The following PRKCB variants were observed in gnomAD, a reference collection of about 807,000 sequenced individuals.
The protein encoded by PRKCB is protein kinase C beta type.
Under a neutral mutation model 81.5 loss-of-function variants are expected in PRKCB, and 13 were observed. That is an observed-to-expected ratio of 0.16 (90% confidence interval 0.10 to 0.25). The LOEUF (loss-of-function observed/expected upper bound fraction) is 0.25, where lower values mean the gene tolerates loss of function less well. PRKCB is among the 10% of genes least tolerant of loss of function. The probability of loss-of-function intolerance (pLI) is 1.00; values close to 1 mark genes in which losing one functional copy is unlikely to be tolerated. For synonymous variants in PRKCB, 335 were observed against 321.4 expected (o/e 1.04, Z -0.45); for missense variants, 509 against 875.7 (o/e 0.58, Z 5.29).
At chr16:23,855,431 C>T (rs982567993) in intron 2 of PRKCB, among the ~76,000 whole-genome samples, 1 of 152,004 alleles carries the variant, frequency 6.6e-6, no homozygotes, top group Non-Finnish European at 1.5e-5. Flanking sequence ...AGGCAAACAA[C>T]AACAAAAACC....
chr16:24,135,422 C>T (rs1456821953), intron 9 of PRKCB, among the ~76,000 whole-genome samples: 1 of 150,042 alleles, frequency 6.7e-6, no homozygotes, highest in Non-Finnish European at 1.5e-5. Context: ...AAGCAATTCT[C>T]CTGCCTCAGC....
intron 2 of PRKCB, among the ~76,000 whole-genome samples, chr16:23,978,368 C>T (rs1435164481): frequency 6.6e-6 from 1 of 152,178 alleles, no homozygotes; most frequent in African/African-American, 2.4e-5. Context: ...TTGCGTTTGT[C>T]ACCCCTGTGT....
intron 9 of PRKCB, among the ~76,000 whole-genome samples, chr16:24,137,616 G>T (rs1169790293): frequency 6.6e-6 from 1 of 152,146 alleles, no homozygotes; most frequent in African/African-American, 2.4e-5. Flanking sequence ...ATCATTCATG[G>T]CTACTGGTCC....
chr16:23,875,982 C>T (rs947423968), intron 2 of PRKCB, among the ~76,000 whole-genome samples: 2 of 152,190 alleles, frequency 1.3e-5, no homozygotes, highest in Non-Finnish European at 2.9e-5. Context: ...TATGGGCTCC[C>T]CTAGTCATGC....
rs149377363 is a variant in PRKCB at position 23,908,733 on chromosome 16, T to C, written c.205+71327T>C. ...TTTTAGTAGAGACGGGGTTTCACCG[T>C]GATCTCGATCTCCTGACCTCATGAT... On this transcript the variant is annotated intron_variant, in intron 2 of 16. Transcript: ENST00000643927. 2.1e-3 allele frequency among the ~76,000 whole-genome samples: 322 copies of C among 152,064 alleles called. 2 individuals carry two copies. Among genetic ancestry groups the C allele is most frequent in the African/African-American group, 7.4e-3 (305 of 41,480 alleles).
At chr16:24,022,867 G>T (rs1180634790) in intron 3 of PRKCB, among the ~76,000 whole-genome samples, 4 of 152,168 alleles carry the variant, frequency 2.6e-5, no homozygotes, top group Non-Finnish European at 5.9e-5. Flanking sequence ...GAAGCACCTT[G>T]TTGGCCAACG....
chr16:23,951,877 C>T (rs895496968), intron 2 of PRKCB, among the ~76,000 whole-genome samples: 1 of 152,180 alleles, frequency 6.6e-6, no homozygotes, highest in African/African-American at 2.4e-5. Flanking sequence ...CTTCCACAGT[C>T]AAATGTGTCA....
At chr16:24,028,728 G>T (rs1048778488) in intron 3 of PRKCB, among the ~76,000 whole-genome samples, 1 of 152,126 alleles carries the variant, frequency 6.6e-6, no homozygotes, top group East Asian at 1.9e-4. Context: ...CACGTCGAAC[G>T]ACATTTGGGT....
chr16:24,108,168 T>A (rs927622667), intron 7 of PRKCB, among the ~76,000 whole-genome samples: 1 of 141,906 alleles, frequency 7.0e-6, no homozygotes, highest in Admixed American at 6.8e-5. Context: ...TTATTTTTTT[T>A]TCTTTTTTTT....
At chr16:24,201,953 G>A (rs184213385) in intron 16 of PRKCB, among the ~76,000 whole-genome samples, 24 of 151,792 alleles carry the variant, frequency 1.6e-4, no homozygotes, top group African/African-American at 4.6e-4. Flanking sequence ...GGAGAATGGC[G>A]TGAACCCAGG....
chr16:23,970,805 A>T (rs561220073), intron 2 of PRKCB, among the ~76,000 whole-genome samples: 1 of 152,344 alleles, frequency 6.6e-6, no homozygotes, highest in Non-Finnish European at 1.5e-5. Context: ...ATGAACAGGT[A>T]GCACTGCCAT....
At chr16:24,200,079 TAA>T (rs1967935537) in intron 16 of PRKCB, among the ~76,000 whole-genome samples, 1 of 152,360 alleles carries the variant, frequency 6.6e-6, no homozygotes, top group Admixed American at 6.5e-5. Context: ...GTCAGGATTT[TAA>T]AAGATGCAAA....
rs1252134981 is a variant in PRKCB at position 23,981,844 on chromosome 16, T to C, written c.206-6664T>C. The stretch of plus-strand genomic sequence containing the variant: ...CCCCTTCCCCTTCCCTTCCCTTCCC[T>C]TCCCCTTCCCCTTCCCCTCCCCTTC... On this transcript the variant is annotated intron_variant, in intron 2 of 16. Transcript: ENST00000643927. Among the ~76,000 whole-genome samples the C allele has an allele frequency of 4.9e-3, 12 of 2,462 alleles. 1 individual carries two copies. The highest frequency in any genetic ancestry group is 0.012 in the Admixed American group (3 of 242). The allele number at this position is 2,462 out of a possible 152,430, so 1.6% of individuals were successfully genotyped here.
chr16:23,852,239 G>C (rs7203341), intron 2 of PRKCB, among the ~76,000 whole-genome samples: 71,087 of 152,052 alleles, frequency 0.47, 17,750 homozygotes, highest in East Asian at 0.61. Flanking sequence ...GTTAGCTACG[G>C]GTTTGTCATA....
intron 2 of PRKCB, among the ~76,000 whole-genome samples, chr16:23,867,695 T>A (rs1962832082): frequency 6.6e-6 from 1 of 152,180 alleles, no homozygotes; most frequent in African/African-American, 2.4e-5. Context: ...TAACAAAGTG[T>A]TTCCAAACAG....
At chr16:24,134,039 G>A (rs1288731501) in intron 9 of PRKCB, among the ~76,000 whole-genome samples, 2 of 151,910 alleles carry the variant, frequency 1.3e-5, no homozygotes, top group Non-Finnish European at 2.9e-5. Context: ...GGGACTACAG[G>A]CACATGCCAC....
intron 2 of PRKCB, among the ~76,000 whole-genome samples, chr16:23,909,128 G>A (rs1214148030): frequency 6.6e-6 from 1 of 152,182 alleles, no homozygotes; most frequent in Non-Finnish European, 1.5e-5. Flanking sequence ...TTTTCACTTC[G>A]AAGTTCATGA....
chr16:23,881,253 G>GTT lies in PRKCB; in HGVS notation c.205+43863_205+43864dup, dbSNP rs35846626. On this transcript the variant is annotated intron_variant, in intron 2 of 16. Transcript: ENST00000643927. ...TTGACTCCTTTTCTCTCTTTTCCCA[G>GTT]TTTTTTTTTTTTTTTTTGAGACAGA... Among the ~76,000 whole-genome samples, 574 of 136,366 alleles carry GTT rather than the reference G, an allele frequency of 4.2e-3. 13 individuals are homozygous for GTT. Among genetic ancestry groups the GTT allele is most frequent in the Middle Eastern group, 7.5e-3 (2 of 268 alleles). 89.5% of individuals were successfully genotyped at this position (136,366 alleles called of 152,430 possible).
intron 2 of PRKCB, among the ~76,000 whole-genome samples, chr16:23,842,416 C>T (rs1185031055): frequency 4.6e-5 from 7 of 152,180 alleles, no homozygotes; most frequent in Admixed American, 3.3e-4. Flanking sequence ...CAAAGTGGGA[C>T]GGAGTTCATT....
Sources: gnomAD v4.1 joint callset for allele counts (sites outside exome capture counted in the v4.1 genomes callset) on GRCh38, gnomAD v4.1.1 for gene constraint, MANE v1.5 for transcripts, NCBI Gene and HGNC (gene_info 2026-07-23, HGNC 2026-07-21) for gene names.